The following FAM184A variants were observed in gnomAD, a reference collection of about 807,000 sequenced individuals.
FAM184A encodes the protein protein FAM184A.
FAM184A carries 99 observed loss-of-function variants against 143.8 expected under a neutral mutation model. The observed-to-expected ratio is 0.69, with a 90% CI of 0.58 to 0.81. FAM184A has a LOEUF of 0.81. Among genes scored for constraint, FAM184A ranks in the 40% least tolerant of loss-of-function variants. FAM184A has a pLI of 0.00. For missense variants in FAM184A, 1,217 were observed against 1,310.5 expected (o/e 0.93, Z 1.10); for synonymous variants, 427 against 446.4 (o/e 0.96, Z 0.55).
intron 1 of FAM184A, among the ~76,000 whole-genome samples, chr6:119,136,687 C>T (rs992435886): frequency 6.6e-6 from 1 of 152,202 alleles, no homozygotes; most frequent in Non-Finnish European, 1.5e-5. Context: ...GTATTTGTTC[C>T]TAGATACTAT....
At chr6:118,980,876 C>A (rs1245650626) in intron 9 of FAM184A, among the ~76,000 whole-genome samples, 6 of 152,148 alleles carry the variant, frequency 3.9e-5, no homozygotes, top group African/African-American at 1.4e-4. Flanking sequence ...ACTAAGCATT[C>A]AACAAATATT....
chr6:119,148,872 T>G (rs917255930), intron 1 of FAM184A, among the ~76,000 whole-genome samples: 1 of 152,108 alleles, frequency 6.6e-6, no homozygotes, highest in Non-Finnish European at 1.5e-5. Flanking sequence ...TTGATCTTAT[T>G]TTGCTCAGGA....
Position 118,960,083 on chromosome 6 carries a change from G to A in FAM184A, c.*20C>T, listed in dbSNP as rs541185316. Reference sequence around the variant, plus strand: ...TGCTCTTAGTAACAGTCTATACAGAGCTGTGCCAACACAATTCTTTCAGAA... The same window carrying A: ...TGCTCTTAGTAACAGTCTATACAGAACTGTGCCAACACAATTCTTTCAGAA... On this transcript the variant is annotated 3_prime_UTR_variant, in exon 18 of 18. Transcript: ENST00000338891. 4.4e-6 allele frequency: 7 copies of A among 1,593,228 alleles called. No individual in the cohort carries two copies. In the East Asian group the frequency reaches 1.6e-4, roughly 36 times the overall value.
At chr6:119,138,354 A>G (rs1772093987) in intron 1 of FAM184A, among the ~76,000 whole-genome samples, 2 of 152,214 alleles carry the variant, frequency 1.3e-5, no homozygotes, top group African/African-American at 4.8e-5. Flanking sequence ...CCAATGTATT[A>G]TCTTAAAGTT....
At chr6:119,146,037 A>C (rs569354559) in intron 1 of FAM184A, among the ~76,000 whole-genome samples, 1 of 152,366 alleles carries the variant, frequency 6.6e-6, no homozygotes, top group African/African-American at 2.4e-5. Context: ...CACTAGCGGC[A>C]TAGGAGACCA....
chr6:118,971,965 A>T (rs1783711137), intron 14 of FAM184A, among the ~76,000 whole-genome samples: 1 of 152,168 alleles, frequency 6.6e-6, no homozygotes, highest in South Asian at 2.1e-4. Flanking sequence ...CCTTCCAGGA[A>T]TCCACAGGAC....
chr6:119,073,401 A>G (rs1787762044), intron 1 of FAM184A, among the ~76,000 whole-genome samples: 1 of 152,230 alleles, frequency 6.6e-6, no homozygotes, highest in South Asian at 2.1e-4. Flanking sequence ...AGCAGCTAAC[A>G]TAACAAGGTA....
At chr6:118,984,598 A>G (rs765127486) in intron 9 of FAM184A, among the ~76,000 whole-genome samples, 2 of 152,250 alleles carry the variant, frequency 1.3e-5, no homozygotes, top group African/African-American at 2.4e-5. Flanking sequence ...CAGAATGTCA[A>G]TATGAGACAT....
upstream of FAM184A, among the ~76,000 whole-genome samples, chr6:119,079,910 C>T (rs1484492215): frequency 6.6e-6 from 1 of 152,152 alleles, no homozygotes; most frequent in South Asian, 2.1e-4. Context: ...CTTAAATAGA[C>T]CTTCCAGGAA....
intron 1 of FAM184A, among the ~76,000 whole-genome samples, chr6:119,147,492 T>A (rs1285501561): frequency 6.6e-6 from 1 of 152,188 alleles, no homozygotes; most frequent in Non-Finnish European, 1.5e-5. Flanking sequence ...ATAGCAGGGA[T>A]GACTCAGAGA....
At chr6:119,113,217 T>C (rs894004176) in intron 1 of FAM184A, among the ~76,000 whole-genome samples, 1 of 152,166 alleles carries the variant, frequency 6.6e-6, no homozygotes, top group Non-Finnish European at 1.5e-5. Flanking sequence ...AAAAATGCTC[T>C]CATTATGTTC....
chr6:119,118,755 C>T (rs767733484), intron 1 of FAM184A, among the ~76,000 whole-genome samples: 1 of 151,752 alleles, frequency 6.6e-6, no homozygotes, highest in Non-Finnish European at 1.5e-5. Context: ...ATTGCGTTAA[C>T]AGCACAAATT....
At chr6:119,101,563 C>T (rs1190422142) in intron 1 of FAM184A, among the ~76,000 whole-genome samples, 4 of 152,216 alleles carry the variant, frequency 2.6e-5, no homozygotes, top group African/African-American at 9.6e-5. Flanking sequence ...ACTTTTCCCA[C>T]CATACCCACA....
intron 3 of FAM184A, among the ~76,000 whole-genome samples, chr6:119,022,625 A>C (rs1785486924): frequency 6.6e-6 from 1 of 152,202 alleles, no homozygotes; most frequent in Non-Finnish European, 1.5e-5. Context: ...CTGTAATCCC[A>C]GCACTTTGGG....
chr6:119,078,483 C>A lies in FAM184A; in HGVS notation c.-184G>T. The A allele has an allele frequency of 4.2e-6, 2 of 476,342 alleles. No individual in the cohort carries two copies. Among genetic ancestry groups the A allele is most frequent in the African/African-American group, 2.0e-5 (1 of 49,600 alleles). The allele number at this position is 476,342 out of a possible 1,614,324, so 29.5% of individuals were successfully genotyped here. A position where few individuals can be genotyped will look rare whatever the true frequency, so the allele number is the denominator to read the frequency against. ...CGGGTCACCCCTGGAAGGGACGGGG[C>A]GGTCCCGCCGGCCCGAAGCCGCGGG... On this transcript the variant is annotated 5_prime_UTR_variant, in exon 1 of 18. Coordinates refer to ENST00000338891, the MANE Select transcript of FAM184A (RefSeq NM_024581.6). This position sits in a 1 kb window ranked among gnomAD's most constrained non-coding sequence, Gnocchi z 5.5.
intron 9 of FAM184A, 54 bp downstream of exon 9, chr6:119,002,840 TGCCTA>T: frequency 7.0e-7 from 1 of 1,422,444 alleles, no homozygotes; most frequent in Non-Finnish European, 9.4e-7. Context: ...TTACAATATT[TGCCTA>T]GCCAGAGAAT....
intron 9 of FAM184A, among the ~76,000 whole-genome samples, chr6:118,989,801 CATTTATTTATTTATTT>C (rs149164113): frequency 5.1e-4 from 74 of 144,870 alleles, no homozygotes; most frequent in East Asian, 3.0e-3. Context: ...AGTATTTTTA[CATTTATTTATTTATTT>C]ATTTATTTAT....
At chr6:119,112,616 A>G (rs1384506060) in intron 1 of FAM184A, among the ~76,000 whole-genome samples, 1 of 152,132 alleles carries the variant, frequency 6.6e-6, no homozygotes, top group Non-Finnish European at 1.5e-5. Context: ...CACACTTGCA[A>G]TTCAGATCGT....
At chr6:119,089,152 A>G (rs1310215853) in intron 1 of FAM184A, among the ~76,000 whole-genome samples, 1 of 145,122 alleles carries the variant, frequency 6.9e-6, no homozygotes, top group Non-Finnish European at 1.5e-5. Flanking sequence ...CCAAATAGCT[A>G]ACACCTATTT....
Sources: gnomAD v4.1 joint callset for allele counts (sites outside exome capture counted in the v4.1 genomes callset) on GRCh38, gnomAD v4.1.1 for gene constraint, Gnocchi (gnomAD v3.1) non-coding constraint, MANE v1.5 for transcripts, NCBI Gene and HGNC (gene_info 2026-07-23, HGNC 2026-07-21) for gene names.